PDE7A: variants seen among roughly 807,000 people sequenced by gnomAD.
PDE7A encodes high affinity 3',5'-cyclic-AMP phosphodiesterase 7A.
In PDE7A, 39 loss-of-function variants were observed where a neutral mutation model predicts 64.3. That is an observed-to-expected ratio of 0.61 (90% CI 0.47 to 0.79). PDE7A has a LOEUF of 0.79. Ranked by LOEUF, PDE7A falls within the 30% of genes least tolerant of loss-of-function variation. PDE7A has a pLI of 0.00. For synonymous variants in PDE7A, 203 were observed against 206.8 expected (o/e 0.98, Z 0.16); for missense variants, 470 against 582.8 (o/e 0.81, Z 1.99).
At chr8:65,822,106 T>G (rs1403058014) in intron 1 of PDE7A, among the ~76,000 whole-genome samples, 3 of 152,198 alleles carry the variant, frequency 2.0e-5, no homozygotes, top group African/African-American at 7.2e-5. Context: ...AAGGGCTGCC[T>G]ATAGTCATCC....
intron 1 of PDE7A, among the ~76,000 whole-genome samples, chr8:65,802,027 G>C (rs1810000516): frequency 6.6e-6 from 1 of 152,148 alleles, no homozygotes; most frequent in South Asian, 2.1e-4. Flanking sequence ...GGTACTTCTT[G>C]TTCGAAAGAA....
chr8:65,810,572 G>A (rs1229411012), intron 1 of PDE7A, among the ~76,000 whole-genome samples: 1 of 150,596 alleles, frequency 6.6e-6, no homozygotes, highest in Non-Finnish European at 1.5e-5. Flanking sequence ...ATTTTTTTTT[G>A]TTTTAAAAGA....
intron 3 of PDE7A, chr8:65,771,117 C>T: frequency 7.1e-6 from 2 of 280,760 alleles, no homozygotes; most frequent in Non-Finnish European, 7.1e-6. Flanking sequence ...GGTTGAGGTC[C>T]TTCTTTTGTT....
In PDE7A at chr8:65,841,310, G is replaced by A; in HGVS notation, c.138+61C>T. 3.5e-6 allele frequency: 5 copies of A among 1,422,346 alleles called. No homozygotes were observed. The South Asian group carries it at 7.8e-5, about 22-fold the overall frequency. 88.1% of individuals were successfully genotyped at this position (1,422,346 alleles called of 1,614,324 possible). On this transcript the variant is annotated intron_variant, in intron 1 of 12. Coordinates refer to ENST00000401827, the MANE Select transcript of PDE7A (RefSeq NM_001242318.3). ...GGGGGTTGTAGAGGAGGTGAAGCTG[G>A]GTGGGCAGAGGGAAACAAAAGAGAG...
intron 3 of PDE7A, among the ~76,000 whole-genome samples, chr8:65,773,372 A>G (rs1331818914): frequency 2.0e-5 from 3 of 152,202 alleles, no homozygotes; most frequent in South Asian, 4.1e-4. Context: ...GCAAGAGTCC[A>G]TTTTCAACTA....
intron 6 of PDE7A, among the ~76,000 whole-genome samples, chr8:65,737,526 A>T (rs1156337481): frequency 6.6e-6 from 1 of 152,142 alleles, no homozygotes; most frequent in Non-Finnish European, 1.5e-5. Context: ...TATTTTTGAG[A>T]CAGAGTCTCA....
Position 65,824,039 on chromosome 8 carries a change from C to T in PDE7A, c.138+17332G>A, listed in dbSNP as rs1267178558. Among the ~76,000 whole-genome samples, 5 of 152,214 alleles carry T rather than the reference C, an allele frequency of 3.3e-5. No homozygotes were observed. In the East Asian group the frequency reaches 7.7e-4, roughly 23 times the overall value. ...ACAACTCACAGAAGATACAGGAATG[C>T]CTTGCTTTATTGTGCTTTTCAGACA... On this transcript the variant is annotated intron_variant, in intron 1 of 12. Coordinates refer to ENST00000401827, the MANE Select transcript of PDE7A (RefSeq NM_001242318.3).
chr8:65,751,271 T>C (rs1167458732), intron 3 of PDE7A, among the ~76,000 whole-genome samples: 1 of 152,206 alleles, frequency 6.6e-6, no homozygotes, highest in East Asian at 1.9e-4. Flanking sequence ...ACCAGAACTT[T>C]CGGGGGATGT....
chr8:65,741,231 A>G (rs1423084315), intron 5 of PDE7A, among the ~76,000 whole-genome samples: 1 of 152,230 alleles, frequency 6.6e-6, no homozygotes, highest in East Asian at 1.9e-4. Flanking sequence ...AGTAGACTAC[A>G]TCCTTCACAT....
rs1232281748 is a variant in PDE7A at position 65,779,648 on chromosome 8, C to G, written c.283+72G>C. 3 of 790,592 alleles carry G rather than the reference C, an allele frequency of 3.8e-6. No homozygotes were observed. The African/African-American group carries it at 5.3e-5, about 14-fold the overall frequency. 49.0% of individuals were successfully genotyped at this position (790,592 alleles called of 1,614,324 possible). A position where few individuals can be genotyped will look rare whatever the true frequency, so the allele number is the denominator to read the frequency against. The stretch of plus-strand genomic sequence containing the variant: ...GTTTTTTTTCTGGTATTCTTTTTCC[C>G]TTGGAAAACTGTGTAATTTTATTAA... On this transcript the variant is annotated intron_variant, in intron 3 of 12. Transcript: ENST00000401827.
At chr8:65,738,049 A>G (rs755368303) in intron 6 of PDE7A, among the ~76,000 whole-genome samples, 1 of 152,234 alleles carries the variant, frequency 6.6e-6, no homozygotes, top group Non-Finnish European at 1.5e-5. Context: ...ACTAAAATAA[A>G]GTGAATATTG....
At chr8:65,762,841 A>G (rs926536165) in intron 3 of PDE7A, among the ~76,000 whole-genome samples, 3 of 152,186 alleles carry the variant, frequency 2.0e-5, no homozygotes, top group Admixed American at 2.0e-4. Flanking sequence ...TCATTACCAT[A>G]AAACAAGTAT....
At chr8:65,738,692 C>G (rs764040821) in intron 6 of PDE7A, among the ~76,000 whole-genome samples, 4 of 152,200 alleles carry the variant, frequency 2.6e-5, no homozygotes, top group Non-Finnish European at 5.9e-5. Context: ...CTCAGCCTCC[C>G]AAAGTGCTGG....
intron 3 of PDE7A, among the ~76,000 whole-genome samples, chr8:65,777,235 A>G (rs1585909817): frequency 6.6e-6 from 1 of 151,848 alleles, no homozygotes; most frequent in East Asian, 1.9e-4. Context: ...ATGCACCACC[A>G]CGCCTGGCTA....
intron 1 of PDE7A, among the ~76,000 whole-genome samples, chr8:65,830,312 A>T (rs2128934273): frequency 6.6e-6 from 1 of 152,154 alleles, no homozygotes; most frequent in East Asian, 1.9e-4. Context: ...CATGAAAATG[A>T]AAGGAGAATC....
At chr8:65,747,381 A>C (rs1380229522) in intron 4 of PDE7A, among the ~76,000 whole-genome samples, 2 of 152,206 alleles carry the variant, frequency 1.3e-5, no homozygotes, top group African/African-American at 2.4e-5. Context: ...GAGATCTTAT[A>C]GTTTAATGTT....
At chr8:65,812,033 C>T (rs975571222) in intron 1 of PDE7A, among the ~76,000 whole-genome samples, 93 of 150,650 alleles carry the variant, frequency 6.2e-4, no homozygotes, top group Non-Finnish European at 9.4e-4. Context: ...ATGGCAAAAC[C>T]CCATCTCTAC....
intron 1 of PDE7A, among the ~76,000 whole-genome samples, chr8:65,829,512 G>A (rs964913685): frequency 7.2e-5 from 11 of 151,998 alleles, no homozygotes; most frequent in African/African-American, 2.7e-4. Flanking sequence ...AAAGAAAGAC[G>A]GCAACTGAAA....
chr8:65,765,211 C>T (rs1230285757), intron 3 of PDE7A, among the ~76,000 whole-genome samples: 1 of 152,080 alleles, frequency 6.6e-6, no homozygotes, highest in Non-Finnish European at 1.5e-5. Flanking sequence ...ATGGGCGAGC[C>T]GGGCGCGGTG....
Sources: allele counts gnomAD v4.1 joint callset (sites outside exome capture counted in the v4.1 genomes callset), GRCh38; gene constraint gnomAD v4.1.1; transcripts MANE v1.5; gene names NCBI Gene and HGNC (gene_info 2026-07-23, HGNC 2026-07-21).